The following DLGAP1 variants were observed in gnomAD, a reference collection of about 807,000 sequenced individuals.
DLGAP1 encodes DLG associated protein 1, also known as disks large-associated protein 1.
In DLGAP1, 11 loss-of-function variants were observed where a neutral mutation model predicts 90.8. That is an observed-to-expected ratio of 0.12 (90% CI 0.08 to 0.20). The LOEUF (loss-of-function observed/expected upper bound fraction) is 0.20. Ranked by LOEUF, DLGAP1 falls within the 10% of genes least tolerant of loss-of-function variation. The probability of loss-of-function intolerance (pLI) is 1.00; values close to 1 mark genes in which losing one functional copy is unlikely to be tolerated. For missense variants in DLGAP1, 1,050 were observed against 1,333.8 expected (o/e 0.79, Z 3.31); for synonymous variants, 558 against 540.7 (o/e 1.03, Z -0.44).
intron 2 of DLGAP1, among the ~76,000 whole-genome samples, chr18:4,056,733 CATACACTA>C (rs1355199558): frequency 1.3e-5 from 2 of 152,090 alleles, no homozygotes; most frequent in East Asian, 3.9e-4. Context: ...GGAATTGAGA[CATACACTA>C]AAAAATACCT....
intron 3 of DLGAP1, 101 bp from the exon 4 acceptor site, chr18:3,880,241 A>G: frequency 1.6e-6 from 1 of 639,208 alleles, no homozygotes; most frequent in South Asian, 1.9e-5. Context: ...TAGAGTGCAC[A>G]GGCGCCATCT....
intron 7 of DLGAP1, among the ~76,000 whole-genome samples, chr18:3,589,187 GAAAAAAAGA>G (rs894493333): frequency 8.6e-5 from 13 of 151,510 alleles, no homozygotes; most frequent in Admixed American, 2.6e-4. Context: ...AACTCCGTCT[GAAAAAAAGA>G]AAAAAAAGAA....
intron 1 of DLGAP1, among the ~76,000 whole-genome samples, chr18:4,401,038 T>C (rs1267931215): frequency 2.0e-5 from 3 of 152,196 alleles, no homozygotes; most frequent in Non-Finnish European, 1.5e-5. Context: ...CCAAATTACT[T>C]AGAAGTATCA....
chr18:4,207,901 G>A (rs924419011), intron 1 of DLGAP1, among the ~76,000 whole-genome samples: 1 of 152,140 alleles, frequency 6.6e-6, no homozygotes, highest in Non-Finnish European at 1.5e-5. Flanking sequence ...CAGAATAAAT[G>A]CCTCATATTG....
intron 2 of DLGAP1, among the ~76,000 whole-genome samples, chr18:4,025,499 T>A (rs1476817452): frequency 6.6e-6 from 1 of 152,158 alleles, no homozygotes; most frequent in Non-Finnish European, 1.5e-5. Flanking sequence ...TGTATAACCA[T>A]TTTTCCAATG....
intron 1 of DLGAP1, among the ~76,000 whole-genome samples, chr18:4,307,177 T>C (rs1262480727): frequency 6.6e-6 from 1 of 152,222 alleles, no homozygotes; most frequent in Non-Finnish European, 1.5e-5. Flanking sequence ...GTATCCAGGT[T>C]GTCCTGGAAG....
intron 7 of DLGAP1, among the ~76,000 whole-genome samples, chr18:3,635,228 T>C (rs1283961751): frequency 1.3e-5 from 2 of 151,924 alleles, no homozygotes; most frequent in Non-Finnish European, 2.9e-5. Flanking sequence ...CCTCCCGGGT[T>C]CACGCCATTC....
At chr18:4,096,189 C>T (rs1479187647) in intron 2 of DLGAP1, among the ~76,000 whole-genome samples, 1 of 152,046 alleles carries the variant, frequency 6.6e-6, no homozygotes, top group Non-Finnish European at 1.5e-5. Flanking sequence ...CTACGCTTGG[C>T]TATTTTTTGT....
intron 9 of DLGAP1, among the ~76,000 whole-genome samples, chr18:3,548,277 TA>T (rs59094958): frequency 0.43 from 64,497 of 151,296 alleles, 16,067 homozygotes; most frequent in African/African-American, 0.7. Flanking sequence ...ATAATTTTTC[TA>T]AAAAAAAATC....
chr18:3,931,564 T>C (rs1472387309), intron 3 of DLGAP1, among the ~76,000 whole-genome samples: 1 of 152,196 alleles, frequency 6.6e-6, no homozygotes, highest in Non-Finnish European at 1.5e-5. Flanking sequence ...ACATTTGTAA[T>C]TAATTAATTC....
In DLGAP1 at chr18:3,496,864, T is replaced by G. The variant is rs1841710308; in HGVS notation, c.*2321A>C. The stretch of plus-strand genomic sequence containing the variant: ...AAAGATCATGATGCCCTGTAGGCCT[T>G]GAGCTAAAAGATTTAAAATTCTTAC... On this transcript the variant is annotated 3_prime_UTR_variant, in exon 13 of 13. Transcript: ENST00000315677. 2 of 152,214 alleles carry G rather than the reference T, an allele frequency of 1.3e-5. 1 individual carries two copies. 9.4% of individuals were successfully genotyped at this position (152,214 alleles called of 1,614,324 possible). A position where few individuals can be genotyped will look rare whatever the true frequency, so the allele number is the denominator to read the frequency against.
chr18:3,614,199 C>CGT (rs10625400), intron 7 of DLGAP1, among the ~76,000 whole-genome samples: 100,200 of 151,862 alleles, frequency 0.66, 34,044 homozygotes, highest in African/African-American at 0.82. Context: ...GGATTACAGG[C>CGT]GAGCCACCGT....
intron 8 of DLGAP1, among the ~76,000 whole-genome samples, chr18:3,571,662 T>A (rs551684): frequency 0.56 from 85,150 of 151,222 alleles, 24,774 homozygotes; most frequent in East Asian, 0.99. Flanking sequence ...TGAATAGCTG[T>A]GACTGCAGGC....
chr18:3,918,914 G>A (rs980943557), intron 3 of DLGAP1, among the ~76,000 whole-genome samples: 3 of 152,066 alleles, frequency 2.0e-5, no homozygotes, highest in South Asian at 2.1e-4. Flanking sequence ...GCGTAGCTTA[G>A]GAACCTGTAC....
At chr18:3,958,665 T>G (rs1029976638) in intron 3 of DLGAP1, among the ~76,000 whole-genome samples, 1 of 151,290 alleles carries the variant, frequency 6.6e-6, no homozygotes, top group Non-Finnish European at 1.5e-5. Context: ...TTTCTGGTAT[T>G]TGAGAATCTG....
At chr18:4,227,157 A>T (rs1432307173) in intron 1 of DLGAP1, among the ~76,000 whole-genome samples, 1 of 152,034 alleles carries the variant, frequency 6.6e-6, no homozygotes, top group African/African-American at 2.4e-5. Flanking sequence ...AAGAGGATAT[A>T]ACAATTGTAA....
chr18:4,194,721 T>C (rs2077463313), intron 1 of DLGAP1, among the ~76,000 whole-genome samples: 1 of 152,232 alleles, frequency 6.6e-6, no homozygotes, highest in South Asian at 2.1e-4. Context: ...TATATACCAG[T>C]TTTGAAATTT....
intron 8 of DLGAP1, chr18:3,580,471 C>T: frequency 1.9e-6 from 3 of 1,611,242 alleles, no homozygotes; most frequent in East Asian, 2.2e-5. Flanking sequence ...GCCGCCACCT[C>T]TTCATTGTCC....
At chr18:3,745,946 CCCCAAGTG>C (rs1338665570) in intron 5 of DLGAP1, among the ~76,000 whole-genome samples, 1 of 152,170 alleles carries the variant, frequency 6.6e-6, no homozygotes, top group Non-Finnish European at 1.5e-5. Flanking sequence ...ACCTTGGCCT[CCCCAAGTG>C]CTGGGATTAC....
Sources: allele counts gnomAD v4.1 joint callset (sites outside exome capture counted in the v4.1 genomes callset), GRCh38; gene constraint gnomAD v4.1.1; transcripts MANE v1.5; gene names NCBI Gene and HGNC (gene_info 2026-07-23, HGNC 2026-07-21).